Variants in CERS4 observed in about 807,000 individuals in gnomAD.
CERS4 encodes the protein ceramide synthase 4, also known as LAG1 homolog, ceramide synthase 4.
CERS4 carries 65 observed loss-of-function variants against 51.8 expected under a neutral mutation model. That is an observed-to-expected ratio of 1.26 (90% CI 1.03 to 1.54). CERS4 has a LOEUF of 1.54. Ranked by LOEUF, CERS4 falls within the 40% of genes most tolerant of loss-of-function variation. CERS4 has a pLI of 0.00. For synonymous variants in CERS4, 228 were observed against 208.4 expected (o/e 1.09, Z -0.81); for missense variants, 563 against 500.4 (o/e 1.13, Z -1.19).
chr19:8,243,194 TAA>T (rs56754017), intron 2 of CERS4, among the ~76,000 whole-genome samples: 15,549 of 59,922 alleles, frequency 0.26, 1,770 homozygotes, highest in South Asian at 0.41. Context: ...ACCCTGTCTC[TAA>T]AAAAAAAAAA....
At chr19:8,243,549 T>C (rs1233717507) in intron 2 of CERS4, among the ~76,000 whole-genome samples, 1 of 152,062 alleles carries the variant, frequency 6.6e-6, no homozygotes, top group Non-Finnish European at 1.5e-5. Context: ...AACCAGAGTA[T>C]CCAATGCTAG....
intron 2 of CERS4, among the ~76,000 whole-genome samples, chr19:8,246,831 T>G (rs1968808853): frequency 6.6e-6 from 1 of 152,004 alleles, no homozygotes; most frequent in Non-Finnish European, 1.5e-5. Context: ...CACTGTAAAA[T>G]TCTTTCAACT....
At chr19:8,250,846 C>G (rs1195724165) in intron 2 of CERS4, 14 of 1,321,516 alleles carry the variant, frequency 1.1e-5, no homozygotes, top group Non-Finnish European at 1.2e-5. Context: ...TTAACACTGA[C>G]CAGGCAATGG....
At chr19:8,212,127 G>A (rs1469904451) in intron 2 of CERS4, among the ~76,000 whole-genome samples, 3 of 152,080 alleles carry the variant, frequency 2.0e-5, no homozygotes, top group Non-Finnish European at 4.4e-5. Flanking sequence ...AGGGTTGTAA[G>A]ATCCAGAAGA....
At chr19:8,236,143 C>T (rs1177550144) in intron 2 of CERS4, among the ~76,000 whole-genome samples, 2 of 151,960 alleles carry the variant, frequency 1.3e-5, no homozygotes, top group Non-Finnish European at 2.9e-5. Flanking sequence ...TGCAGTGAGC[C>T]GAGATCGCGC....
intron 2 of CERS4, among the ~76,000 whole-genome samples, chr19:8,226,684 T>C (rs890873806): frequency 6.6e-6 from 1 of 152,072 alleles, no homozygotes; most frequent in South Asian, 2.1e-4. Context: ...CGTGGGCAGA[T>C]TGCTTGAGCA....
chr19:8,245,039 G>A (rs1020418797), intron 2 of CERS4, among the ~76,000 whole-genome samples: 54 of 150,186 alleles, frequency 3.6e-4, no homozygotes, highest in African/African-American at 1.1e-3. Context: ...AGCTACTCGG[G>A]AGGCTGAGCT....
chr19:8,256,556 C>G lies in CERS4; in HGVS notation c.520-62C>G. ...TGAGCAAACGGAGTGGGCCCGGAGC[C>G]ATACCCCTGCCCGATTGGAGCCTTC... On this transcript the variant is annotated intron_variant, in intron 7 of 11. Transcript: ENST00000251363. 4 of 1,479,506 alleles carry G rather than the reference C, an allele frequency of 2.7e-6. No individual in the cohort carries two copies. In the South Asian group the frequency reaches 4.9e-5, roughly 18 times the overall value. 91.6% of individuals were successfully genotyped at this position (1,479,506 alleles called of 1,614,324 possible). A position where few individuals can be genotyped will look rare whatever the true frequency, so the allele number is the denominator to read the frequency against.
At chr19:8,216,628 T>G (rs1391596425) in intron 2 of CERS4, among the ~76,000 whole-genome samples, 9 of 151,990 alleles carry the variant, frequency 5.9e-5, no homozygotes. Context: ...AATTAAGATA[T>G]AGAGTCTTTG....
chr19:8,256,143 T>C (rs1969368205), intron 6 of CERS4, 93 bp from the exon 7 acceptor site: 8 of 1,331,236 alleles, frequency 6.0e-6, no homozygotes, highest in Non-Finnish European at 8.4e-6. Context: ...GTAGCATCTA[T>C]GTGACTGTGG....
chr19:8,246,113 A>G (rs1184784304), intron 2 of CERS4, among the ~76,000 whole-genome samples: 1 of 151,130 alleles, frequency 6.6e-6, no homozygotes, highest in Non-Finnish European at 1.5e-5. Context: ...AAAACAAAAA[A>G]ACTGGAATGG....
intron 2 of CERS4, among the ~76,000 whole-genome samples, chr19:8,232,580 CTG>C (rs1376669320): frequency 6.6e-6 from 1 of 152,156 alleles, no homozygotes; most frequent in Admixed American, 6.6e-5. Flanking sequence ...GCATGAGCCA[CTG>C]TGCCCGGCCT....
chr19:8,251,390 C>T (rs1969071900), intron 3 of CERS4, 141 bp downstream of exon 3: 1 of 1,368,340 alleles, frequency 7.3e-7, no homozygotes, highest in South Asian at 1.6e-5. Context: ...CTCCAGCCTG[C>T]CCCCAGCCGC....
intron 2 of CERS4, among the ~76,000 whole-genome samples, chr19:8,216,044 T>C (rs1331236173): frequency 3.9e-5 from 6 of 152,032 alleles, no homozygotes; most frequent in African/African-American, 1.2e-4. Context: ...CTCCCTCACC[T>C]CCCTACCTTC....
In CERS4 at chr19:8,210,246, G is replaced by C. The variant is rs956665765; in HGVS notation, c.-158-460G>C. Among the ~76,000 whole-genome samples, 3 of 152,202 alleles carry C rather than the reference G, an allele frequency of 2.0e-5. No individual in the cohort carries two copies. Among genetic ancestry groups the C allele is most frequent in the Non-Finnish European group, 2.9e-5 (2 of 68,044 alleles). ...AACATCCCGTAGCCGCTGTGGGTAGGAGAGATGGGGATACTTGGAAGGGGG... is the reference window on the plus strand; with the variant it reads ...AACATCCCGTAGCCGCTGTGGGTAGCAGAGATGGGGATACTTGGAAGGGGG... On this transcript the variant is annotated intron_variant, in intron 1 of 11. Transcript: ENST00000251363. This position sits in a 1 kb window ranked among gnomAD's most constrained non-coding sequence, Gnocchi z 4.2.
chr19:8,243,938 T>A, intron 2 of CERS4, among the ~76,000 whole-genome samples: 1 of 152,206 alleles, frequency 6.6e-6, no homozygotes, highest in East Asian at 1.9e-4. Context: ...TTCTTCAGAC[T>A]GGAAGGCTGA....
At chr19:8,255,524 G>A (rs1235243439) in intron 4 of CERS4, 83 bp from the exon 5 acceptor site, 4 of 1,225,424 alleles carry the variant, frequency 3.3e-6, no homozygotes, top group South Asian at 1.4e-5. Flanking sequence ...CAGTGGAGAG[G>A]GCAGAGCCAA....
chr19:8,260,021 G>A (rs1220408902), intron 10 of CERS4, among the ~76,000 whole-genome samples: 1 of 152,068 alleles, frequency 6.6e-6, no homozygotes, highest in African/African-American at 2.4e-5. Flanking sequence ...GCTGTGAGAT[G>A]GGGAGATGGT....
chr19:8,251,825 G>T (rs1969098317), intron 3 of CERS4, among the ~76,000 whole-genome samples: 1 of 151,422 alleles, frequency 6.6e-6, no homozygotes, highest in South Asian at 2.1e-4. Context: ...GTGAGCTGGG[G>T]TGTTATCCCA....
Sources: gnomAD v4.1 joint callset for allele counts (sites outside exome capture counted in the v4.1 genomes callset) on GRCh38, gnomAD v4.1.1 for gene constraint, Gnocchi (gnomAD v3.1) non-coding constraint, MANE v1.5 for transcripts, NCBI Gene and HGNC (gene_info 2026-07-23, HGNC 2026-07-21) for gene names.